Variants in AFF4 observed in about 807,000 individuals in gnomAD.
The protein encoded by AFF4 is ALF transcription elongation factor 4.
A neutral mutation model predicts 124.8 loss-of-function variants in AFF4; 13 were observed. That is an observed-to-expected ratio of 0.10 (90% confidence interval 0.07 to 0.17). The LOEUF (loss-of-function observed/expected upper bound fraction) is 0.17. Ranked by LOEUF, AFF4 falls within the 10% of genes least tolerant of loss-of-function variation. The pLI, the probability that AFF4 is intolerant of heterozygous loss-of-function variation, is 1.00. For synonymous variants in AFF4, 477 were observed against 496.1 expected (o/e 0.96, Z 0.51); for missense variants, 1,092 against 1,403.8 (o/e 0.78, Z 3.55).
intron 17 of AFF4, 122 bp from the exon 18 acceptor site, chr5:132,886,525 A>G: frequency 3.8e-6 from 3 of 798,918 alleles, no homozygotes; most frequent in South Asian, 3.5e-5. Context: ...CCACAACATT[A>G]ACCGTTAGGC....
intron 5 of AFF4, among the ~76,000 whole-genome samples, chr5:132,920,840 A>G (rs1761025361): frequency 6.6e-6 from 1 of 152,070 alleles, no homozygotes. Flanking sequence ...ATCTTAGCCC[A>G]TTTCAGGCCG....
chr5:132,926,309 T>TTC (rs1436186779), intron 5 of AFF4: 6 of 419,982 alleles, frequency 1.4e-5, no homozygotes, highest in Non-Finnish European at 2.8e-5. Flanking sequence ...GAGAATGTAT[T>TTC]TCTGTATTAT....
At chr5:132,945,160 T>C (rs1561509114) in intron 1 of AFF4, 1 of 152,966 alleles carries the variant, frequency 6.5e-6, no homozygotes, top group East Asian at 1.9e-4. Context: ...GACTGGTTAA[T>C]GATAACAGTG....
rs190235744 is a variant in AFF4, at chr5:132,925,466, A to G, written c.1050+1655T>C. On this transcript the variant is annotated intron_variant, in intron 5 of 20. Transcript: ENST00000265343. ...ATATATTTTATTCATCAAAAATTAA[A>G]AACTTTAGACAATAAAAAGACAAGA... 5.4e-3 allele frequency among the ~76,000 whole-genome samples: 819 copies of G among 152,250 alleles called. 4 individuals carry two copies. The highest frequency in any genetic ancestry group is 0.027 in the Middle Eastern group (8 of 294).
chr5:132,947,880 T>C (rs1200764045), intron 1 of AFF4, among the ~76,000 whole-genome samples: 1 of 152,192 alleles, frequency 6.6e-6, no homozygotes, highest in Non-Finnish European at 1.5e-5. Context: ...GCCCCAAAGT[T>C]AGTCATGAGA....
chr5:132,929,341 C>T (rs1231018850), intron 4 of AFF4, among the ~76,000 whole-genome samples: 3 of 152,106 alleles, frequency 2.0e-5, no homozygotes, highest in African/African-American at 7.2e-5. Flanking sequence ...AAGTGCCAAG[C>T]CCCTGCACAT....
rs1230348780 is a variant in AFF4, at chr5:132,888,101, G to C, written c.2792C>G (p.Ala931Gly). ...EAKKLKHNAD[A>G]LSDRFEKAVY... ...GTAAGGAGAATATCTACATACCAATGCATCTGCATTGTGCTTTAGCTTTTT... is the reference window on the plus strand; with the variant it reads ...GTAAGGAGAATATCTACATACCAATCCATCTGCATTGTGCTTTAGCTTTTT... The change falls in exon 15 of 21, where the codon GCA (alanine) becomes GGA (glycine). Residue 931 changes from alanine to glycine, a missense_variant. Physicochemically the swap from Ala to Gly is moderately conservative, Grantham distance 60. Coordinates refer to ENST00000265343, the MANE Select transcript of AFF4 (RefSeq NM_014423.4). 5 of 1,610,456 alleles carry C rather than the reference G, an allele frequency of 3.1e-6. No individual in the cohort carries two copies. Among genetic ancestry groups the C allele is most frequent in the Non-Finnish European group, 4.2e-6 (5 of 1,177,600 alleles).
At position 132,893,046 on chromosome 5, in the gene AFF4, G is replaced by A. The variant is rs1483311949; in HGVS notation, c.2380C>T (p.Pro794Ser). ...GGAACGTACTCTCTGTTGCTGGATG[G>A]CTTATGGCCTGCTGAATTCTTGTCC... ...TEDKNSAGHKPSSNRESSKQS... is the reference protein window; with the variant it reads ...TEDKNSAGHKSSSNRESSKQS... The change falls in exon 12 of 21, where the codon CCA becomes TCA. Residue 794 changes from proline (P) to serine (S), a missense_variant. By Grantham distance (74) the Pro-to-Ser change is moderately conservative. This residue lies in a region of AFF4 where 293 missense variants were observed against 280.2 expected (regional missense o/e 1.05). Transcript: ENST00000265343. The A allele has an allele frequency of 6.2e-7, 1 of 1,614,044 alleles. No individual in the cohort carries two copies. Among genetic ancestry groups the A allele is most frequent in the African/African-American group, 1.3e-5 (1 of 75,024 alleles).
In AFF4 at chr5:132,880,979, G is replaced by T; in HGVS notation, c.*80C>A. ...ATTCCTCATTCTTAGTGTCGACTAGGTGGTATGTTATGGCAGTTTTCCTTC... is the reference window on the plus strand; with the variant it reads ...ATTCCTCATTCTTAGTGTCGACTAGTTGGTATGTTATGGCAGTTTTCCTTC... On this transcript the variant is annotated 3_prime_UTR_variant, in exon 21 of 21. Coordinates refer to ENST00000265343, the MANE Select transcript of AFF4 (RefSeq NM_014423.4). 1 of 1,522,904 alleles carries T rather than the reference G, an allele frequency of 6.6e-7. No homozygotes were observed. The highest frequency in any genetic ancestry group is 8.9e-7 in the Non-Finnish European group (1 of 1,128,496). 94.3% of individuals were successfully genotyped at this position (1,522,904 alleles called of 1,614,324 possible).
intron 5 of AFF4, among the ~76,000 whole-genome samples, chr5:132,922,272 A>G (rs1483940866): frequency 1.3e-5 from 2 of 152,188 alleles, no homozygotes; most frequent in Non-Finnish European, 2.9e-5. Context: ...TACAAAAATC[A>G]GCCAGACATA....
At chr5:132,962,312 T>C (rs1230143525) in intron 1 of AFF4, among the ~76,000 whole-genome samples, 1 of 152,228 alleles carries the variant, frequency 6.6e-6, no homozygotes, top group South Asian at 2.1e-4. Context: ...TTAGATTCCA[T>C]CAAGAAAAAC....
chr5:132,917,635 G>T (rs976656678), intron 5 of AFF4, among the ~76,000 whole-genome samples: 2 of 148,912 alleles, frequency 1.3e-5, no homozygotes, highest in Admixed American at 1.3e-4. Context: ...ATGCTATTAA[G>T]TAAATTTAGC....
intron 17 of AFF4, 63 bp downstream of exon 17, chr5:132,887,433 TCAAGGAAAACATTCAGAAGAGCACA>T (rs1760144184): frequency 8.0e-7 from 1 of 1,242,700 alleles, no homozygotes. Flanking sequence ...GAAGTCTGAT[TCAAGGAAAACATTCAGAAGAGCACA>T]CACAGCACTA....
chr5:132,888,227 T>C (rs556844638), intron 14 of AFF4, 67 bp from the exon 15 acceptor site: 2 of 1,209,732 alleles, frequency 1.7e-6, no homozygotes, highest in Admixed American at 4.4e-5. Context: ...CATTTCAGTA[T>C]CTAGTATCCC....
intron 13 of AFF4, among the ~76,000 whole-genome samples, chr5:132,891,435 AAAC>A (rs1760254265): frequency 6.6e-6 from 1 of 152,232 alleles, no homozygotes; most frequent in Non-Finnish European, 1.5e-5. Context: ...TTTAGAAAGC[AAAC>A]AACCTGGTAA....
At chr5:132,955,510 G>A (rs1057261588) in intron 1 of AFF4, among the ~76,000 whole-genome samples, 6 of 151,994 alleles carry the variant, frequency 3.9e-5, no homozygotes, top group African/African-American at 1.5e-4. Context: ...CAGGTGTAGC[G>A]ACTTATGCCT....
chr5:132,901,143 T>C (rs573184159), intron 7 of AFF4: 3 of 985,332 alleles, frequency 3.0e-6, no homozygotes, highest in East Asian at 1.1e-4. Context: ...TCTAAGGAAA[T>C]GTACTTAGTC....
chr5:132,908,391 ATATAGT>A (rs1385395942), intron 5 of AFF4, among the ~76,000 whole-genome samples: 1 of 152,150 alleles, frequency 6.6e-6, no homozygotes, highest in African/African-American at 2.4e-5. Context: ...TGCCACAAAG[ATATAGT>A]TATACTCATG....
In AFF4 at chr5:132,887,523, A is replaced by G; in HGVS notation, c.3003T>C (p.Leu1001=). 6.2e-6 allele frequency: 10 copies of G among 1,613,300 alleles called. No individual in the cohort carries two copies. The highest frequency in any genetic ancestry group is 8.5e-6 in the Non-Finnish European group (10 of 1,179,310). The change falls in exon 17 of 21, where the codon CTT becomes CTC. Residue 1001 remains leucine, a splice_region_variant and synonymous_variant. Coordinates refer to ENST00000265343, the MANE Select transcript of AFF4 (RefSeq NM_014423.4). ...ATAADKRLTV[L]CLRCESLLYL... ...AGGCTAGAACACAGAAAACTCACCAAAGTACTGTGAGTCGTTTATCTGCAG... is the reference window on the plus strand; with the variant it reads ...AGGCTAGAACACAGAAAACTCACCAGAGTACTGTGAGTCGTTTATCTGCAG...
Sources: gnomAD v4.1 joint callset for allele counts (sites outside exome capture counted in the v4.1 genomes callset) on GRCh38, gnomAD v4.1.1 for gene constraint, gnomAD v4.1.1 regional missense constraint, MANE v1.5 for transcripts, NCBI Gene and HGNC (gene_info 2026-07-23, HGNC 2026-07-21) for gene names.